Variants in ACTR3B observed in about 807,000 individuals in gnomAD.
The protein encoded by ACTR3B is actin related protein 3B.
Under a neutral mutation model 59.0 loss-of-function variants are expected in ACTR3B, and 8 were observed. The observed-to-expected ratio is 0.14, with a 90% confidence interval of 0.08 to 0.24. The LOEUF (loss-of-function observed/expected upper bound fraction) is 0.24. Ranked by LOEUF, ACTR3B falls within the 10% of genes least tolerant of loss-of-function variation. The probability of loss-of-function intolerance (pLI) is 1.00; values close to 1 mark genes in which losing one functional copy is unlikely to be tolerated. For missense variants in ACTR3B, 245 were observed against 552.3 expected (o/e 0.44, Z 5.58); for synonymous variants, 148 against 197.9 (o/e 0.75, Z 2.12).
At chr7:152,801,085 T>G (rs1205782601) in intron 3 of ACTR3B, among the ~76,000 whole-genome samples, 4 of 151,610 alleles carry the variant, frequency 2.6e-5, no homozygotes, top group African/African-American at 9.8e-5. Context: ...GTATTTTTTG[T>G]TGTTGTTTTT....
chr7:152,803,520 C>T (rs919659517), intron 4 of ACTR3B, among the ~76,000 whole-genome samples: 2 of 152,174 alleles, frequency 1.3e-5, no homozygotes, highest in African/African-American at 2.4e-5. Flanking sequence ...AGGCACCGAG[C>T]CCAGCTGCTT....
At chr7:152,821,477 A>T (rs1796150513) in intron 7 of ACTR3B, among the ~76,000 whole-genome samples, 1 of 152,100 alleles carries the variant, frequency 6.6e-6, no homozygotes, top group Admixed American at 6.5e-5. Flanking sequence ...AAAAAGAAAA[A>T]AAAAAAAAGA....
At chr7:152,773,055 G>C (rs868193417) in intron 1 of ACTR3B, among the ~76,000 whole-genome samples, 1 of 152,076 alleles carries the variant, frequency 6.6e-6, no homozygotes, top group South Asian at 2.1e-4. Flanking sequence ...CCTTTGAAAT[G>C]TAAAAGTAAA....
chr7:152,799,871 T>C (rs1028786720), intron 2 of ACTR3B, among the ~76,000 whole-genome samples: 1 of 152,224 alleles, frequency 6.6e-6, no homozygotes, highest in African/African-American at 2.4e-5. Flanking sequence ...TGAATTGATA[T>C]GATTATTTAC....
At position 152,855,139 on chromosome 7, in the gene ACTR3B, A is replaced by C. The variant is rs1038395727; in HGVS notation, c.*586A>C. 6.5e-6 allele frequency: 1 copy of C among 152,878 alleles called. No homozygotes were observed. The highest frequency in any genetic ancestry group is 1.5e-5 in the Non-Finnish European group (1 of 68,106). 9.5% of individuals were successfully genotyped at this position (152,878 alleles called of 1,614,324 possible). ...ATGTTTATAGGCAAACAAATAAAACAGCAAACTTTTTTGCCACATGTTTGC... is the reference window on the plus strand; with the variant it reads ...ATGTTTATAGGCAAACAAATAAAACCGCAAACTTTTTTGCCACATGTTTGC... On this transcript the variant is annotated 3_prime_UTR_variant, in exon 12 of 12. Transcript: ENST00000256001.
In ACTR3B at chr7:152,823,439, C is replaced by T. The variant is rs149559061; in HGVS notation, c.782C>T (p.Ala261Val). Residue 261 changes from alanine to valine, a missense_variant, in exon 8 of 12, where the codon GCG becomes GTG. Physicochemically the swap from Ala to Val is moderately conservative, Grantham distance 64. Coordinates refer to ENST00000256001, the MANE Select transcript of ACTR3B (RefSeq NM_020445.6). ...ATCAAACAGTACACGGGTATCAATGCGATCAACCAGAAGAAGTTTGTTATA... is the reference window on the plus strand; with the variant it reads ...ATCAAACAGTACACGGGTATCAATGTGATCAACCAGAAGAAGTTTGTTATA... ...KWIKQYTGIN[A>V]INQKKFVIDV... 4.8e-4 allele frequency: 771 copies of T among 1,614,196 alleles called. No individual in the cohort carries two copies. Among genetic ancestry groups the T allele is most frequent in the Middle Eastern group, 3.1e-3 (19 of 6,062 alleles).
intron 9 of ACTR3B, among the ~76,000 whole-genome samples, chr7:152,843,946 C>T (rs1255751276): frequency 1.3e-5 from 2 of 151,970 alleles, no homozygotes; most frequent in Non-Finnish European, 2.9e-5. Context: ...TGGGAGGGGA[C>T]AGAATAAATG....
chr7:152,785,479 G>GAGAGAGAGAGAGAC (rs1463454521), intron 2 of ACTR3B, among the ~76,000 whole-genome samples: 14 of 55,682 alleles, frequency 2.5e-4, no homozygotes, highest in African/African-American at 1.3e-3. Context: ...GGGAGGGAGA[G>GAGAGAGAGAGAGAC]AGAGAGAGAG....
chr7:152,782,449 A>G (rs1260977920), intron 1 of ACTR3B, among the ~76,000 whole-genome samples: 1 of 152,044 alleles, frequency 6.6e-6, no homozygotes, highest in Non-Finnish European at 1.5e-5. Context: ...GAGATTAGCA[A>G]ATGCTTTTGG....
At position 152,816,591 on chromosome 7, in the gene ACTR3B, A is replaced by G; in HGVS notation, c.540+3A>G. ...GAGTCACCCATGTTATCCCAGTGGT[A>G]AGCAGAATAGTTAATATATAAGTCT... On this transcript the variant is annotated splice_donor_region_variant and intron_variant, in intron 6 of 11. Coordinates refer to ENST00000256001, the MANE Select transcript of ACTR3B (RefSeq NM_020445.6). 6.4e-7 allele frequency: 1 copy of G among 1,568,482 alleles called. No individual in the cohort carries two copies. Among genetic ancestry groups the G allele is most frequent in the African/African-American group, 1.4e-5 (1 of 73,858 alleles).
rs779492260 is a variant in ACTR3B at position 152,854,667 on chromosome 7, G to A, written c.*114G>A. On this transcript the variant is annotated 3_prime_UTR_variant, in exon 12 of 12. Transcript: ENST00000256001. The surrounding 1 kb of genome is among the most constrained non-coding windows in gnomAD (Gnocchi z 4.9). ...GACGTCGGTGTTGCTGCCCAGCAGC[G>A]TGCTTGCATTGCCGGTGCATGAGGC... 15 of 1,118,232 alleles carry A rather than the reference G, an allele frequency of 1.3e-5. No homozygotes were observed. The highest frequency in any genetic ancestry group is 2.5e-5 in the East Asian group (1 of 40,072). 69.3% of individuals were successfully genotyped at this position (1,118,232 alleles called of 1,614,324 possible). A position where few individuals can be genotyped will look rare whatever the true frequency, so the allele number is the denominator to read the frequency against.
intron 1 of ACTR3B, among the ~76,000 whole-genome samples, chr7:152,760,995 C>T (rs2098087674): frequency 6.6e-6 from 1 of 152,106 alleles, no homozygotes; most frequent in African/African-American, 2.4e-5. Flanking sequence ...GAAAAATGCA[C>T]TTGGTTTGGT....
At chr7:152,789,422 C>A (rs901292126) in intron 2 of ACTR3B, among the ~76,000 whole-genome samples, 2 of 150,548 alleles carry the variant, frequency 1.3e-5, no homozygotes, top group African/African-American at 5.0e-5. Context: ...GACAACTCTT[C>A]CATAGTTTTT....
rs2689498 is a variant in ACTR3B at position 152,776,969 on chromosome 7, C to T, written c.45-6218C>T. 3.3e-4 allele frequency among the ~76,000 whole-genome samples: 49 copies of T among 150,636 alleles called. No homozygotes were observed. The South Asian group carries it at 6.0e-3, about 19-fold the overall frequency. On this transcript the variant is annotated intron_variant, in intron 1 of 11. Transcript: ENST00000256001. Reference sequence around the variant, plus strand: ...TTTATTTAATATATCCTCTATTTTGCGTGTTTCCAGGTTCTGGTGGTGGTT... The same window carrying T: ...TTTATTTAATATATCCTCTATTTTGTGTGTTTCCAGGTTCTGGTGGTGGTT...
chr7:152,776,412 A>G (rs2098136360), intron 1 of ACTR3B, among the ~76,000 whole-genome samples: 2 of 152,316 alleles, frequency 1.3e-5, no homozygotes, highest in Middle Eastern at 3.4e-3. Context: ...AAATACTTAT[A>G]TTGCAGAAAA....
chr7:152,760,922 T>A (rs1307289932), intron 1 of ACTR3B, among the ~76,000 whole-genome samples: 1 of 152,130 alleles, frequency 6.6e-6, no homozygotes, highest in Non-Finnish European at 1.5e-5. Context: ...AGAAGGGATT[T>A]TAATCATTTT....
At chr7:152,784,711 CG>C (rs1306287451) in intron 2 of ACTR3B, among the ~76,000 whole-genome samples, 4 of 152,184 alleles carry the variant, frequency 2.6e-5, no homozygotes, top group African/African-American at 7.2e-5. Flanking sequence ...CCTCTCTCCA[CG>C]GCCTGCAGAG....
intron 9 of ACTR3B, among the ~76,000 whole-genome samples, chr7:152,834,133 C>A (rs1269286956): frequency 6.6e-6 from 1 of 151,188 alleles, no homozygotes; most frequent in Non-Finnish European, 1.5e-5. Context: ...GGAGAATTTA[C>A]TCCTTTGTAG....
intron 9 of ACTR3B, 99 bp from the exon 10 acceptor site, chr7:152,852,027 C>G (rs1563161236): frequency 1.3e-6 from 2 of 1,527,424 alleles, no homozygotes; most frequent in Non-Finnish European, 9.0e-7. Context: ...TGTGTCGTGC[C>G]CACAAGCGAT....
Sources: allele counts gnomAD v4.1 joint callset (sites outside exome capture counted in the v4.1 genomes callset), GRCh38; gene constraint gnomAD v4.1.1; non-coding constraint Gnocchi (gnomAD v3.1); transcripts MANE v1.5; gene names NCBI Gene and HGNC (gene_info 2026-07-23, HGNC 2026-07-21).